Variants in AGBL4 observed in about 807,000 individuals in gnomAD.
AGBL4 encodes the protein cytosolic carboxypeptidase 6.
In AGBL4, 58 loss-of-function variants were observed where a neutral mutation model predicts 66.4. The observed-to-expected ratio is 0.87, with a 90% CI of 0.71 to 1.09. The LOEUF is 1.09. Ranked by LOEUF, AGBL4 falls within the 50% of genes least tolerant of loss-of-function variation. AGBL4 has a pLI of 0.00. For synonymous variants in AGBL4, 234 were observed against 222.9 expected (o/e 1.05, Z -0.44); for missense variants, 579 against 631.0 (o/e 0.92, Z 0.88).
chr1:48,912,519 G>T (rs921953674), intron 5 of AGBL4, among the ~76,000 whole-genome samples: 1 of 152,182 alleles, frequency 6.6e-6, no homozygotes, highest in African/African-American at 2.4e-5. Context: ...CTGTAGGAAG[G>T]CAGATATGAT....
chr1:49,432,794 A>C (rs995874016), intron 3 of AGBL4, among the ~76,000 whole-genome samples: 5 of 152,178 alleles, frequency 3.3e-5, no homozygotes, highest in Non-Finnish European at 7.3e-5. Context: ...AAAAGTTGTA[A>C]GTGTCTTTTG....
intron 1 of AGBL4, among the ~76,000 whole-genome samples, chr1:49,937,228 C>G (rs2148281710): frequency 6.6e-6 from 1 of 152,050 alleles, no homozygotes; most frequent in African/African-American, 2.4e-5. Flanking sequence ...CAACAAAGAT[C>G]AAAAGAGACA....
At chr1:49,167,243 T>C (rs1646651999) in intron 4 of AGBL4, among the ~76,000 whole-genome samples, 1 of 152,204 alleles carries the variant, frequency 6.6e-6, no homozygotes, top group Non-Finnish European at 1.5e-5. Context: ...AGTTTTCTAT[T>C]ACTATATTTA....
chr1:49,002,504 T>C (rs1485472580), intron 5 of AGBL4, among the ~76,000 whole-genome samples: 1 of 152,144 alleles, frequency 6.6e-6, no homozygotes, highest in Non-Finnish European at 1.5e-5. Flanking sequence ...CAATAGAAAA[T>C]TAAAAGAACA....
At chr1:49,727,640 G>C (rs895903539) in intron 2 of AGBL4, among the ~76,000 whole-genome samples, 1 of 152,056 alleles carries the variant, frequency 6.6e-6, no homozygotes, top group African/African-American at 2.4e-5. Context: ...CCAAATACAA[G>C]AACTGCTGCC....
At chr1:48,574,374 T>C (rs1644615407) in intron 11 of AGBL4, among the ~76,000 whole-genome samples, 1 of 152,136 alleles carries the variant, frequency 6.6e-6, no homozygotes. Context: ...ATAATAATAC[T>C]CATCTCTACG....
At chr1:49,502,186 G>C (rs113696537) in intron 3 of AGBL4, among the ~76,000 whole-genome samples, 2 of 152,194 alleles carry the variant, frequency 1.3e-5, no homozygotes, top group South Asian at 4.2e-4. Context: ...TGTCTGTGAG[G>C]GTGTTGGCCT....
intron 3 of AGBL4, among the ~76,000 whole-genome samples, chr1:49,398,504 T>G (rs1645019634): frequency 6.6e-6 from 1 of 152,130 alleles, no homozygotes; most frequent in Admixed American, 6.6e-5. Flanking sequence ...AGACAGCACA[T>G]GGTGGGACTT....
At chr1:49,556,826 G>T (rs541450839) in intron 3 of AGBL4, among the ~76,000 whole-genome samples, 4 of 152,118 alleles carry the variant, frequency 2.6e-5, no homozygotes, top group African/African-American at 9.7e-5. Flanking sequence ...ATGGCAGGCT[G>T]CAGGTCCTGA....
chr1:49,669,061 A>C (rs1248395055), intron 3 of AGBL4, among the ~76,000 whole-genome samples: 5 of 152,200 alleles, frequency 3.3e-5, no homozygotes, highest in African/African-American at 1.2e-4. Flanking sequence ...AGGCTAATGG[A>C]AGAGACACAT....
chr1:48,695,002 C>T lies in AGBL4; in HGVS notation c.635-31761G>A, dbSNP rs138103187. ...TAACCTCTCTCCAGTTACACTCCTC[C>T]CCACCCTACTGGCTCTTTTCTGTTC... On this transcript the variant is annotated intron_variant, in intron 6 of 13. Transcript: ENST00000371839. 5.3e-5 allele frequency among the ~76,000 whole-genome samples: 8 copies of T among 152,302 alleles called. No individual in the cohort carries two copies. In the East Asian group the frequency reaches 1.2e-3, roughly 22 times the overall value.
chr1:49,873,172 G>T (rs1646880806), intron 1 of AGBL4, among the ~76,000 whole-genome samples: 1 of 151,582 alleles, frequency 6.6e-6, no homozygotes, highest in African/African-American at 2.4e-5. Flanking sequence ...CAGGTTTCCA[G>T]GATTGTTCTC....
intron 1 of AGBL4, among the ~76,000 whole-genome samples, chr1:49,915,943 C>G (rs1040770427): frequency 1.3e-5 from 2 of 152,296 alleles, no homozygotes; most frequent in African/African-American, 4.8e-5. Context: ...CACTGTTCTA[C>G]AGCCTCCGCT....
chr1:48,897,319 T>C (rs536855963), intron 5 of AGBL4, among the ~76,000 whole-genome samples: 1 of 152,342 alleles, frequency 6.6e-6, no homozygotes, highest in East Asian at 1.9e-4. Context: ...GGTTTCATTA[T>C]TTTTTATGGC....
chr1:48,802,503 C>T (rs1645833324), intron 6 of AGBL4, among the ~76,000 whole-genome samples: 1 of 152,102 alleles, frequency 6.6e-6, no homozygotes, highest in Non-Finnish European at 1.5e-5. Context: ...CAGCATAGGA[C>T]CTGGTACATT....
chr1:49,921,545 C>G (rs1198276172), intron 1 of AGBL4, among the ~76,000 whole-genome samples: 2 of 152,052 alleles, frequency 1.3e-5, no homozygotes, highest in Non-Finnish European at 2.9e-5. Flanking sequence ...CATCTGCAAG[C>G]TGAAGAAGAA....
At chr1:49,236,944 T>C (rs1276193479) in intron 4 of AGBL4, among the ~76,000 whole-genome samples, 1 of 151,902 alleles carries the variant, frequency 6.6e-6, no homozygotes, top group Non-Finnish European at 1.5e-5. Flanking sequence ...GTTATCCTGA[T>C]AGGGAATCAT....
At chr1:49,162,545 A>G (rs1233955610) in intron 4 of AGBL4, among the ~76,000 whole-genome samples, 3 of 152,212 alleles carry the variant, frequency 2.0e-5, no homozygotes, top group African/African-American at 7.2e-5. Flanking sequence ...CTTAGTATTT[A>G]TATTTTCATG....
intron 3 of AGBL4, among the ~76,000 whole-genome samples, chr1:49,643,982 C>T (rs1571235717): frequency 6.6e-6 from 1 of 151,458 alleles, no homozygotes; most frequent in East Asian, 1.9e-4. Context: ...ATTATTTAAA[C>T]AAAAACTCAT....
Sources: allele counts gnomAD v4.1 joint callset (sites outside exome capture counted in the v4.1 genomes callset), GRCh38; gene constraint gnomAD v4.1.1; transcripts MANE v1.5; gene names NCBI Gene and HGNC (gene_info 2026-07-23, HGNC 2026-07-21).